Variants in BLTP2 observed in about 807,000 individuals in gnomAD.
BLTP2 encodes the protein U937-associated antigen.
the BLTP2 span, chr17:28,645,118 T>C: frequency 1.3e-6 from 2 of 1,482,674 alleles, no homozygotes; most frequent in Non-Finnish European, 1.8e-6. Flanking sequence ...CGACGCCGGA[T>C]CCGCGCAGCA....
At chr17:28,626,711 A>C in the BLTP2 span, among the ~76,000 whole-genome samples, 1 of 152,292 alleles carries the variant, frequency 6.6e-6, no homozygotes, top group East Asian at 1.9e-4. Context: ...ATAGCTGAAC[A>C]CGTAGAGGTT....
chr17:28,642,197 T>C, the BLTP2 span: 7 of 1,583,642 alleles, frequency 4.4e-6, no homozygotes, highest in Non-Finnish European at 6.1e-6. Flanking sequence ...TCAAAGAACC[T>C]AGGATGTAAG....
the BLTP2 span, chr17:28,620,028 A>C: frequency 0.094 from 151,068 of 1,601,622 alleles, 7,788 homozygotes; most frequent in East Asian, 0.16. Flanking sequence ...AAAGGAATGG[A>C]AAGGGAAATG....
the BLTP2 span, chr17:28,623,926 A>C: frequency 6.2e-7 from 1 of 1,614,048 alleles, no homozygotes; most frequent in Non-Finnish European, 8.5e-7. Context: ...GGCAGCTGAC[A>C]CAATGACACA....
At chr17:28,619,646 T>C in the BLTP2 span, 2 of 1,613,280 alleles carry the variant, frequency 1.2e-6, no homozygotes. Context: ...GAAAGAATGC[T>C]GGGGCACCTG....
At chr17:28,615,817 G>A in the BLTP2 span, 4 of 1,607,992 alleles carry the variant, frequency 2.5e-6, no homozygotes, top group African/African-American at 1.3e-5. Context: ...GGAGGGGGAG[G>A]GGAAAGAAAA....
At chr17:28,618,628 T>G in the BLTP2 span, 1 of 563,608 alleles carries the variant, frequency 1.8e-6, no homozygotes, top group Non-Finnish European at 3.1e-6. Context: ...AAGGAAGCTC[T>G]GCTCATTAAT....
At chr17:28,620,109 C>T in the BLTP2 span, 5 of 1,185,250 alleles carry the variant, frequency 4.2e-6, no homozygotes, top group Non-Finnish European at 5.9e-6. Context: ...TGGGGGGGGT[C>T]TCTTCTAGAA....
At chr17:28,638,562 G>GT in the BLTP2 span, 1 of 1,613,460 alleles carries the variant, frequency 6.2e-7, no homozygotes, top group Non-Finnish European at 8.5e-7. Flanking sequence ...AAAAGGTGGT[G>GT]TATCTCCAAG....
the BLTP2 span, chr17:28,615,924 C>T: frequency 8.7e-7 from 1 of 1,151,368 alleles, no homozygotes; most frequent in Non-Finnish European, 1.3e-6. Flanking sequence ...ACTGATTTCC[C>T]CTTACCTCAG....
chr17:28,636,131 GGA>G, the BLTP2 span, among the ~76,000 whole-genome samples: 4 of 152,214 alleles, frequency 2.6e-5, no homozygotes, highest in Non-Finnish European at 5.9e-5. Context: ...TATGCCTCAA[GGA>G]GAGAGTAGTG....
At chr17:28,622,093 G>C in the BLTP2 span, among the ~76,000 whole-genome samples, 9 of 152,144 alleles carry the variant, frequency 5.9e-5, no homozygotes, top group Admixed American at 5.9e-4. Flanking sequence ...GCAGCCTGAG[G>C]GGGGCGGGGG....
At chr17:28,629,221 A>T in the BLTP2 span, among the ~76,000 whole-genome samples, 1 of 151,326 alleles carries the variant, frequency 6.6e-6, no homozygotes. Context: ...TTTATTTTTT[A>T]AATATATTTA....
chr17:28,636,398 T>C, the BLTP2 span, among the ~76,000 whole-genome samples: 1 of 152,246 alleles, frequency 6.6e-6, no homozygotes, highest in Non-Finnish European at 1.5e-5. Context: ...AGTCTTTTAA[T>C]GGGCCGAGGG....
At chr17:28,635,292 G>A in the BLTP2 span, 10 of 1,614,046 alleles carry the variant, frequency 6.2e-6, no homozygotes, top group Admixed American at 1.3e-4. Context: ...ATGCCTGCAG[G>A]GAACCTCCAT....
chr17:28,639,326 T>C, the BLTP2 span: 3 of 1,614,160 alleles, frequency 1.9e-6, no homozygotes, highest in Admixed American at 1.7e-5. Flanking sequence ...TTTTTTTCCT[T>C]TGCTTTAGAA....
the BLTP2 span, chr17:28,616,508 T>TCCTA: frequency 6.2e-7 from 1 of 1,614,174 alleles, no homozygotes. The surrounding 1 kb of genome is among the most constrained non-coding windows in gnomAD (Gnocchi z 4.8). Flanking sequence ...CCACTGGTAT[T>TCCTA]CCTATGAAAA....
chr17:28,632,328 T>C, the BLTP2 span: 1 of 1,227,530 alleles, frequency 8.1e-7, no homozygotes, highest in Non-Finnish European at 1.1e-6. Flanking sequence ...TGTAGAGGTT[T>C]AAAAATCCAA....
chr17:28,620,678 A>G, the BLTP2 span: 1 of 1,602,306 alleles, frequency 6.2e-7, no homozygotes, highest in Non-Finnish European at 8.5e-7. Flanking sequence ...TTCTACCTAA[A>G]TATCTACTCC....
Sources: allele counts gnomAD v4.1 joint callset (sites outside exome capture counted in the v4.1 genomes callset), GRCh38; gene constraint gnomAD v4.1.1; non-coding constraint Gnocchi (gnomAD v3.1); transcripts MANE v1.5; gene names NCBI Gene and HGNC (gene_info 2026-07-23, HGNC 2026-07-21).